The following DPYSL3 variants were observed in gnomAD, a reference collection of about 807,000 sequenced individuals.
The protein encoded by DPYSL3 is dihydropyrimidinase-related protein 3.
In DPYSL3, 16 loss-of-function variants were observed where a neutral mutation model predicts 66.1. The observed-to-expected ratio is 0.24, with a 90% CI of 0.16 to 0.37. The LOEUF is 0.37. DPYSL3 is among the 10% of genes least tolerant of loss of function. The pLI is 1.00. For missense variants in DPYSL3, 738 were observed against 916.2 expected, an observed-to-expected ratio of 0.81 and a Z score of 2.51; for synonymous variants, 338 against 345.1, an observed-to-expected ratio of 0.98 and a Z score of 0.23.
intron 1 of DPYSL3, among the ~76,000 whole-genome samples, chr5:147,440,185 C>T (rs1207771539): frequency 6.6e-6 from 1 of 152,108 alleles, no homozygotes; most frequent in Admixed American, 6.6e-5. Flanking sequence ...CGCCTGTAGT[C>T]CCAGCTACTC....
Position 147,393,930 on chromosome 5 carries a change from G to C in DPYSL3, c.*105C>G, listed in dbSNP as rs970856736. 8 of 1,165,078 alleles carry C rather than the reference G, an allele frequency of 6.9e-6. No homozygotes were observed. Among genetic ancestry groups the C allele is most frequent in the Non-Finnish European group, 1.0e-5 (8 of 794,184 alleles). The allele number at this position is 1,165,078 out of a possible 1,614,324, so 72.2% of individuals were successfully genotyped here. A position where few individuals can be genotyped will look rare whatever the true frequency, so the allele number is the denominator to read the frequency against. The stretch of plus-strand genomic sequence containing the variant: ...AGGCTTGAGGCTTATTGATTCTTTA[G>C]ATCACAACCGTTTGGATTCGCTTTC... On this transcript the variant is annotated 3_prime_UTR_variant, in exon 14 of 14. Transcript: ENST00000343218.
At chr5:147,485,761 T>A (rs1027989417) in intron 1 of DPYSL3, among the ~76,000 whole-genome samples, 1 of 152,174 alleles carries the variant, frequency 6.6e-6, no homozygotes, top group African/African-American at 2.4e-5. Context: ...TCTCAGCTCC[T>A]CCTCCGCAAT....
chr5:147,422,254 T>C (rs1413206210), intron 2 of DPYSL3, among the ~76,000 whole-genome samples: 1 of 152,094 alleles, frequency 6.6e-6, no homozygotes, highest in African/African-American at 2.4e-5. Flanking sequence ...GAAAAAAAGC[T>C]CATCATTACT....
chr5:147,469,835 A>G, intron 1 of DPYSL3, among the ~76,000 whole-genome samples: 1 of 152,174 alleles, frequency 6.6e-6, no homozygotes, highest in East Asian at 1.9e-4. Flanking sequence ...TGCATACAGG[A>G]TGTTTCCACC....
intron 1 of DPYSL3, among the ~76,000 whole-genome samples, chr5:147,494,147 CA>C: frequency 6.6e-6 from 1 of 151,940 alleles, no homozygotes; most frequent in South Asian, 2.1e-4. Context: ...GAAGAAATTA[CA>C]AAAAAATCAA....
chr5:147,422,996 TATA>T (rs1056247284), intron 2 of DPYSL3, among the ~76,000 whole-genome samples: 10 of 151,614 alleles, frequency 6.6e-5, no homozygotes, highest in South Asian at 4.2e-4. Flanking sequence ...GAACTTAAAG[TATA>T]ATAATAATAA....
At chr5:147,459,985 C>A (rs1237799927) in intron 1 of DPYSL3, among the ~76,000 whole-genome samples, 1 of 152,072 alleles carries the variant, frequency 6.6e-6, no homozygotes, top group African/African-American at 2.4e-5. Flanking sequence ...TGGTGGGCGC[C>A]TGTTATCCCA....
chr5:147,437,079 G>A (rs1464786451), intron 1 of DPYSL3, among the ~76,000 whole-genome samples: 1 of 152,174 alleles, frequency 6.6e-6, no homozygotes, highest in Non-Finnish European at 1.5e-5. Context: ...TAGAATGGGA[G>A]TCGGGAGCCA....
intron 1 of DPYSL3, among the ~76,000 whole-genome samples, chr5:147,462,031 A>G (rs1438302946): frequency 6.6e-6 from 1 of 151,604 alleles, no homozygotes; most frequent in Non-Finnish European, 1.5e-5. Context: ...TGAAGGATGC[A>G]GGGCTGCCAG....
At chr5:147,442,528 C>T (rs933942857) in intron 1 of DPYSL3, among the ~76,000 whole-genome samples, 1 of 152,096 alleles carries the variant, frequency 6.6e-6, no homozygotes, top group Non-Finnish European at 1.5e-5. Context: ...TGAGTGACTT[C>T]GGGAAGATTA....
intron 1 of DPYSL3, among the ~76,000 whole-genome samples, chr5:147,441,635 A>C (rs1389695300): frequency 6.6e-6 from 1 of 152,220 alleles, no homozygotes; most frequent in Admixed American, 6.5e-5. Flanking sequence ...TTATCAGAAG[A>C]GCAAGGAAAA....
At chr5:147,433,013 G>A (rs911597503) in intron 1 of DPYSL3, among the ~76,000 whole-genome samples, 1 of 152,094 alleles carries the variant, frequency 6.6e-6, no homozygotes, top group Non-Finnish European at 1.5e-5. Flanking sequence ...AGTAGTAAAC[G>A]GAGACTTTTT....
intron 1 of DPYSL3, among the ~76,000 whole-genome samples, chr5:147,430,509 CAAAAAAAAAA>C (rs555965885): frequency 1.0e-4 from 4 of 39,886 alleles, no homozygotes; most frequent in Admixed American, 5.4e-4. Context: ...GACTCGGTCT[CAAAAAAAAAA>C]AAAAAGAAAA....
At chr5:147,394,185 G>T in intron 13 of DPYSL3, 62 bp from the exon 14 acceptor site, 1 of 1,540,670 alleles carries the variant, frequency 6.5e-7, no homozygotes, top group South Asian at 1.1e-5. Context: ...AGGGGGATGT[G>T]GGCAAGAGAG....
At chr5:147,504,881 T>G (rs1753662627) in intron 1 of DPYSL3, among the ~76,000 whole-genome samples, 1 of 152,186 alleles carries the variant, frequency 6.6e-6, no homozygotes. Flanking sequence ...GATGACAGAG[T>G]CCTTATGATA....
intron 1 of DPYSL3, among the ~76,000 whole-genome samples, chr5:147,485,242 T>C (rs1288928694): frequency 6.6e-6 from 1 of 152,196 alleles, no homozygotes; most frequent in Non-Finnish European, 1.5e-5. Context: ...ATTTTTTGAT[T>C]GTGGCTGAGA....
chr5:147,463,176 G>A (rs1228973216), intron 1 of DPYSL3, among the ~76,000 whole-genome samples: 4 of 152,094 alleles, frequency 2.6e-5, no homozygotes, highest in Admixed American at 2.6e-4. Flanking sequence ...ACACACCTGT[G>A]GCCCTTATGA....
chr5:147,482,284 T>C lies in DPYSL3; in HGVS notation c.381+27194A>G, dbSNP rs1753261627. Among the ~76,000 whole-genome samples, 3 of 152,310 alleles carry C rather than the reference T, an allele frequency of 2.0e-5. No homozygotes were observed. In the South Asian group the frequency reaches 6.2e-4, roughly 32 times the overall value. ...AATCATGAAAGAACCCTTTTCACAATCTATAGATTTGAGGAAATCAGCTCA... is the reference window on the plus strand; with the variant it reads ...AATCATGAAAGAACCCTTTTCACAACCTATAGATTTGAGGAAATCAGCTCA... On this transcript the variant is annotated intron_variant, in intron 1 of 13. Transcript: ENST00000343218.
At chr5:147,432,557 T>A (rs1258200724) in intron 1 of DPYSL3, among the ~76,000 whole-genome samples, 1 of 152,158 alleles carries the variant, frequency 6.6e-6, no homozygotes, top group Non-Finnish European at 1.5e-5. Flanking sequence ...TTCAACAGCG[T>A]TCCAGACACA....
Sources: allele counts gnomAD v4.1 joint callset (sites outside exome capture counted in the v4.1 genomes callset), GRCh38; gene constraint gnomAD v4.1.1; transcripts MANE v1.5; gene names NCBI Gene and HGNC (gene_info 2026-07-23, HGNC 2026-07-21).